Variants in RNGTT observed in about 807,000 individuals in gnomAD.
RNGTT encodes RNA guanylyltransferase and 5'-phosphatase.
RNGTT carries 33 observed loss-of-function variants against 79.3 expected under a neutral mutation model. The observed-to-expected ratio is 0.42, with a 90% CI of 0.32 to 0.56. The LOEUF (loss-of-function observed/expected upper bound fraction) is 0.56, where lower values mean the gene tolerates loss of function less well. Among genes scored for constraint, RNGTT ranks in the 20% least tolerant of loss-of-function variants. RNGTT has a pLI of 0.17. For synonymous variants in RNGTT, 222 were observed against 235.9 expected (o/e 0.94, Z 0.54); for missense variants, 497 against 739.1 (o/e 0.67, Z 3.80).
At chr6:88,795,467 T>C (rs780422938) in intron 12 of RNGTT, among the ~76,000 whole-genome samples, 7 of 151,930 alleles carry the variant, frequency 4.6e-5, no homozygotes, top group Non-Finnish European at 1.0e-4. Flanking sequence ...TTCTCACTTA[T>C]AAGTGGGAGC....
intron 13 of RNGTT, among the ~76,000 whole-genome samples, chr6:88,692,726 C>A (rs972146758): frequency 6.6e-6 from 1 of 152,018 alleles, no homozygotes; most frequent in Non-Finnish European, 1.5e-5. Context: ...ACAGTGATTT[C>A]ATATGTAAAA....
chr6:88,621,820 G>A (rs1275446463), intron 14 of RNGTT, among the ~76,000 whole-genome samples: 1 of 151,974 alleles, frequency 6.6e-6, no homozygotes, highest in African/African-American at 2.4e-5. Flanking sequence ...GAAATCAGAG[G>A]GAGATAATAG....
intron 14 of RNGTT, among the ~76,000 whole-genome samples, chr6:88,618,529 T>C (rs1459882441): frequency 6.6e-6 from 1 of 152,162 alleles, no homozygotes; most frequent in African/African-American, 2.4e-5. Context: ...ACTGTTATCC[T>C]AGTTTGAGTT....
intron 2 of RNGTT, among the ~76,000 whole-genome samples, chr6:88,935,325 T>G (rs1360720584): frequency 6.6e-6 from 1 of 152,216 alleles, no homozygotes; most frequent in Non-Finnish European, 1.5e-5. Context: ...ACTATAGCCT[T>G]GTAATACACT....
At position 88,880,203 on chromosome 6, in the gene RNGTT, AATG is replaced by A. The variant is rs760642270; in HGVS notation, c.896+10289_896+10291del. On this transcript the variant is annotated intron_variant, in intron 8 of 15. Coordinates refer to ENST00000369485, the MANE Select transcript of RNGTT (RefSeq NM_003800.5). Reference sequence around the variant, plus strand: ...GAATGAATGAATGAATGAATGAATGAATGAATGAATGAAAGGAAGAAGGGAAGG... The same window carrying A: ...GAATGAATGAATGAATGAATGAATGAAATGAATGAAAGGAAGAAGGGAAGG... 4.7e-3 allele frequency among the ~76,000 whole-genome samples: 683 copies of A among 146,010 alleles called. 5 individuals are homozygous for A. The highest frequency in any genetic ancestry group is 0.015 in the African/African-American group (627 of 40,636).
chr6:88,913,204 CAAAAAAAAACAAA>C (rs376475170), intron 4 of RNGTT, among the ~76,000 whole-genome samples: 6,315 of 53,350 alleles, frequency 0.12, 247 homozygotes, highest in African/African-American at 0.29. Flanking sequence ...AGCTCTGTCT[CAAAAAAAAACAAA>C]AAAAAAAAAC....
chr6:88,615,028 C>CA (rs1284971646), intron 14 of RNGTT, among the ~76,000 whole-genome samples: 1 of 152,164 alleles, frequency 6.6e-6, no homozygotes, highest in African/African-American at 2.4e-5. Context: ...TTGGCTTCTT[C>CA]ACCTCAGATG....
At chr6:88,929,460 C>T (rs1335918548) in intron 2 of RNGTT, among the ~76,000 whole-genome samples, 193 bp from the exon 3 acceptor site, 1 of 152,002 alleles carries the variant, frequency 6.6e-6, no homozygotes, top group Non-Finnish European at 1.5e-5. Flanking sequence ...ACTAAGCAGG[C>T]ACTTGATAAA....
chr6:88,950,615 G>A (rs753006771), intron 1 of RNGTT, among the ~76,000 whole-genome samples: 1 of 152,176 alleles, frequency 6.6e-6, no homozygotes, highest in Non-Finnish European at 1.5e-5. Context: ...CAAGACTTCA[G>A]TGGAATAAGT....
chr6:88,826,384 A>G (rs2127884177), intron 11 of RNGTT, among the ~76,000 whole-genome samples: 1 of 152,350 alleles, frequency 6.6e-6, no homozygotes, highest in South Asian at 2.1e-4. Context: ...TAACGGCTTC[A>G]CTGAAGTAAT....
intron 14 of RNGTT, among the ~76,000 whole-genome samples, chr6:88,660,384 C>A (rs899461505): frequency 6.6e-6 from 1 of 152,062 alleles, no homozygotes; most frequent in Non-Finnish European, 1.5e-5. Flanking sequence ...AATCCACCAA[C>A]CAAGTATCCT....
chr6:88,654,045 T>C (rs763424158), intron 14 of RNGTT, among the ~76,000 whole-genome samples: 1 of 152,236 alleles, frequency 6.6e-6, no homozygotes, highest in Non-Finnish European at 1.5e-5. Context: ...AACTACTGTA[T>C]GACTCGTTAG....
intron 2 of RNGTT, among the ~76,000 whole-genome samples, chr6:88,931,187 T>TAAAAAAAAAAAAAAAAAAAA (rs34070183): frequency 2.9e-5 from 3 of 101,936 alleles, no homozygotes; most frequent in Non-Finnish European, 5.7e-5. Context: ...TATAAAGCTG[T>TAAAAAAAAAAAAAAAAAAAA]AAAAAAAAAA....
chr6:88,846,000 T>TAA (rs202222998), intron 10 of RNGTT, among the ~76,000 whole-genome samples: 1 of 142,978 alleles, frequency 7.0e-6, no homozygotes, highest in Admixed American at 7.0e-5. Context: ...TTTTATGTTC[T>TAA]AAAAAAAAAA....
At chr6:88,736,746 G>A (rs181863987) in intron 13 of RNGTT, among the ~76,000 whole-genome samples, 7 of 152,328 alleles carry the variant, frequency 4.6e-5, no homozygotes, top group Admixed American at 2.6e-4. Flanking sequence ...TATCTGAGCA[G>A]ATACACTGCC....
In RNGTT at chr6:88,791,706, A is replaced by AT. The variant is rs572443798; in HGVS notation, c.1338+9857dup. 5.9e-4 allele frequency among the ~76,000 whole-genome samples: 89 copies of AT among 151,834 alleles called. No homozygotes were observed. The South Asian group carries it at 0.018, about 31-fold the overall frequency. On this transcript the variant is annotated intron_variant, in intron 12 of 15. Transcript: ENST00000369485. Reference sequence around the variant, plus strand: ...AGGCGCCCACCACCACACCCGGCTAATTTTTTGTATTTTTAGTAGAGACAG... The same window carrying AT: ...AGGCGCCCACCACCACACCCGGCTAATTTTTTTGTATTTTTAGTAGAGACAG...
At chr6:88,727,467 G>C (rs922042717) in intron 13 of RNGTT, among the ~76,000 whole-genome samples, 1 of 152,072 alleles carries the variant, frequency 6.6e-6, no homozygotes, top group Non-Finnish European at 1.5e-5. Flanking sequence ...AAGCACAACA[G>C]GTTTTTCTTA....
intron 12 of RNGTT, among the ~76,000 whole-genome samples, chr6:88,778,552 G>A (rs1048003883): frequency 2.0e-5 from 3 of 152,070 alleles, no homozygotes; most frequent in African/African-American, 7.2e-5. Context: ...CTATTCACAG[G>A]TGCAGTCACA....
chr6:88,668,424 G>A (rs1201129309), intron 14 of RNGTT, among the ~76,000 whole-genome samples: 2 of 152,200 alleles, frequency 1.3e-5, no homozygotes, highest in Admixed American at 6.5e-5. Flanking sequence ...GAAACTCATC[G>A]TGGGACTCAT....
Sources: allele counts gnomAD v4.1 joint callset (sites outside exome capture counted in the v4.1 genomes callset), GRCh38; gene constraint gnomAD v4.1.1; transcripts MANE v1.5; gene names NCBI Gene and HGNC (gene_info 2026-07-23, HGNC 2026-07-21).